The following MCOLN2 variants were observed in gnomAD, a reference collection of about 807,000 sequenced individuals.
The protein encoded by MCOLN2 is mucolipin-2.
MCOLN2 carries 57 observed loss-of-function variants against 67.5 expected under a neutral mutation model. That is an observed-to-expected ratio of 0.84 (90% CI 0.68 to 1.05). The LOEUF (loss-of-function observed/expected upper bound fraction) is 1.05. Among genes scored for constraint, MCOLN2 ranks in the 50% least tolerant of loss-of-function variants. MCOLN2 has a pLI of 0.00. For synonymous variants in MCOLN2, 246 were observed against 233.3 expected (o/e 1.05, Z -0.50); for missense variants, 620 against 678.8 (o/e 0.91, Z 0.96).
chr1:84,981,733 A>G (rs1237489663), intron 1 of MCOLN2, among the ~76,000 whole-genome samples: 1 of 152,174 alleles, frequency 6.6e-6, no homozygotes, highest in Non-Finnish European at 1.5e-5. Context: ...GAAAGAATGA[A>G]TAAGACCTAG....
intron 13 of MCOLN2, 108 bp from the exon 14 acceptor site, chr1:84,926,829 G>A: frequency 5.6e-6 from 4 of 712,368 alleles, no homozygotes; most frequent in Non-Finnish European, 6.3e-6. Flanking sequence ...TAGACATGTT[G>A]AGTGAAACAT....
Position 84,926,535 on chromosome 1 carries a change from T to A in MCOLN2, c.*150A>T, listed in dbSNP as rs1661165473. 1.1e-5 allele frequency: 5 copies of A among 474,354 alleles called. No individual in the cohort carries two copies. The South Asian group carries it at 2.8e-4, about 27-fold the overall frequency. The allele number at this position is 474,354 out of a possible 1,614,324, so 29.4% of individuals were successfully genotyped here. On this transcript the variant is annotated 3_prime_UTR_variant, in exon 14 of 14. Transcript: ENST00000370608. Reference sequence around the variant, plus strand: ...ATAAAAAGTAAAGCTGGAACTTCAGTCATGGTCAGCTGGCTAACTGTGAGT... The same window carrying A: ...ATAAAAAGTAAAGCTGGAACTTCAGACATGGTCAGCTGGCTAACTGTGAGT...
intron 2 of MCOLN2, among the ~76,000 whole-genome samples, chr1:84,959,856 C>T (rs929708993): frequency 6.6e-6 from 1 of 152,132 alleles, no homozygotes; most frequent in African/African-American, 2.4e-5. Flanking sequence ...CAATATGATA[C>T]ATCTGAACAA....
At chr1:84,941,989 C>A (rs1056126271) in intron 7 of MCOLN2, among the ~76,000 whole-genome samples, 4 of 152,180 alleles carry the variant, frequency 2.6e-5, no homozygotes, top group Admixed American at 1.3e-4. Flanking sequence ...CTGACCCCCA[C>A]CTTCTTCACC....
At chr1:84,974,760 C>T (rs1441798986) in intron 1 of MCOLN2, among the ~76,000 whole-genome samples, 1 of 152,098 alleles carries the variant, frequency 6.6e-6, no homozygotes, top group Non-Finnish European at 1.5e-5. Context: ...AGAGCTGACT[C>T]TTGGATGGCA....
intron 1 of MCOLN2, among the ~76,000 whole-genome samples, chr1:84,972,417 A>G (rs1405432419): frequency 6.6e-6 from 1 of 152,226 alleles, no homozygotes; most frequent in African/African-American, 2.4e-5. Flanking sequence ...ATATCAAAGA[A>G]AAAAAGCATA....
At chr1:84,956,818 A>G (rs1648821672) in intron 3 of MCOLN2, among the ~76,000 whole-genome samples, 1 of 152,124 alleles carries the variant, frequency 6.6e-6, no homozygotes, top group South Asian at 2.1e-4. Context: ...CACTCAGCCA[A>G]AGCCAAGGTC....
intron 2 of MCOLN2, among the ~76,000 whole-genome samples, chr1:84,960,201 T>G (rs1443334633): frequency 1.3e-5 from 2 of 152,186 alleles, no homozygotes; most frequent in African/African-American, 4.8e-5. Context: ...ATATGCCAGG[T>G]ACTGTGCTAA....
chr1:84,970,951 A>G (rs1270620396), intron 1 of MCOLN2, among the ~76,000 whole-genome samples: 1 of 152,224 alleles, frequency 6.6e-6, no homozygotes, highest in Non-Finnish European at 1.5e-5. Context: ...TGATGTTAGC[A>G]TTGCCCTAAG....
At chr1:84,965,844 T>C in intron 1 of MCOLN2, 136 bp from the exon 2 acceptor site, 1 of 620,946 alleles carries the variant, frequency 1.6e-6, no homozygotes, top group Admixed American at 3.7e-5. Context: ...GAACACAAAA[T>C]AAAAAAGCAA....
At position 84,940,888 on chromosome 1, in the gene MCOLN2, C is replaced by T. The variant is rs1183632956; in HGVS notation, c.951G>A (p.Arg317=). The T allele has an allele frequency of 1.9e-6, 3 of 1,611,130 alleles. No individual in the cohort carries two copies. Among genetic ancestry groups the T allele is most frequent in the African/African-American group, 2.7e-5 (2 of 74,832 alleles). Residue 317 remains arginine (R), a synonymous_variant, in exon 8 of 14, where the codon AGG becomes AGA. Coordinates refer to ENST00000370608, the MANE Select transcript of MCOLN2 (RefSeq NM_153259.4). ...GCGAACACACTCTTACCTTCCGTAA[C>T]CTTAGAGCAAGAACAATGGATCTTG... ...LCTRSIVLAL[R]LRKRFLNFFL... is the part of the protein sequence containing the mutation.
chr1:84,959,404 G>A (rs78577787), intron 2 of MCOLN2, among the ~76,000 whole-genome samples: 4,938 of 152,168 alleles, frequency 0.032, 109 homozygotes, highest in Middle Eastern at 0.058. Flanking sequence ...CTGTATTCTG[G>A]CAGAATTTAG....
At chr1:84,977,153 G>A (rs372037759) in intron 1 of MCOLN2, among the ~76,000 whole-genome samples, 1 of 151,878 alleles carries the variant, frequency 6.6e-6, no homozygotes, top group South Asian at 2.1e-4. Flanking sequence ...GTTTGTTTAT[G>A]CAAATAGGGT....
chr1:84,984,888 G>A (rs1455448044), intron 1 of MCOLN2, among the ~76,000 whole-genome samples: 2 of 152,108 alleles, frequency 1.3e-5, no homozygotes, highest in Non-Finnish European at 2.9e-5. Context: ...CCAGCTACTT[G>A]GGAGGCTGAG....
At chr1:84,937,283 G>A (rs149500308) in intron 11 of MCOLN2, among the ~76,000 whole-genome samples, 99 of 152,282 alleles carry the variant, frequency 6.5e-4, no homozygotes, top group African/African-American at 1.1e-3. Flanking sequence ...AATCAAAACC[G>A]TCTGCAGAGA....
rs199554091 is a variant in MCOLN2 at position 84,940,918 on chromosome 1, C to T, written c.921G>A (p.Leu307=). ...GAGCAAGAACAATGGATCTTGTACACAGAATAAGAGATGCCAAGCAAATCA... is the reference window on the plus strand; with the variant it reads ...GAGCAAGAACAATGGATCTTGTACATAGAATAAGAGATGCCAAGCAAATCA... ...VIVICLASLI[L]CTRSIVLALR... is the part of the protein sequence containing the mutation. The change falls in exon 8 of 14, where the codon CTG becomes CTA. Residue 307 remains leucine, a synonymous_variant. Coordinates refer to ENST00000370608, the MANE Select transcript of MCOLN2 (RefSeq NM_153259.4). 8.1e-6 allele frequency: 13 copies of T among 1,613,390 alleles called. No individual in the cohort carries two copies. The highest frequency in any genetic ancestry group is 1.1e-5 in the Non-Finnish European group (13 of 1,179,710).
Position 84,925,599 on chromosome 1 carries a change from A to C in MCOLN2, c.*1086T>G, listed in dbSNP as rs925680273. 2.0e-5 allele frequency: 3 copies of C among 152,336 alleles called. No individual in the cohort carries two copies. The highest frequency in any genetic ancestry group is 6.8e-3 in the Middle Eastern group (2 of 294). 9.4% of individuals were successfully genotyped at this position (152,336 alleles called of 1,614,324 possible). A position where few individuals can be genotyped will look rare whatever the true frequency, so the allele number is the denominator to read the frequency against. ...AATGCCATATGGAATGATGAAAATA[A>C]ATTTATTTAGAGAAAATATATCATA... On this transcript the variant is annotated 3_prime_UTR_variant, in exon 14 of 14. Coordinates refer to ENST00000370608, the MANE Select transcript of MCOLN2 (RefSeq NM_153259.4).
chr1:84,975,108 G>C (rs1170568316), intron 1 of MCOLN2, among the ~76,000 whole-genome samples: 1 of 152,198 alleles, frequency 6.6e-6, no homozygotes, highest in Non-Finnish European at 1.5e-5. Context: ...GGTCCTGGGG[G>C]AGCTCAGCAT....
At chr1:84,932,753 C>T (rs773595709) in intron 11 of MCOLN2, among the ~76,000 whole-genome samples, 2 of 152,122 alleles carry the variant, frequency 1.3e-5, no homozygotes, top group African/African-American at 2.4e-5. Flanking sequence ...CATGTTTCTC[C>T]AATCCACCCT....
Sources: allele counts gnomAD v4.1 joint callset (sites outside exome capture counted in the v4.1 genomes callset), GRCh38; gene constraint gnomAD v4.1.1; transcripts MANE v1.5; gene names NCBI Gene and HGNC (gene_info 2026-07-23, HGNC 2026-07-21).